KCNQ1: variants seen among roughly 807,000 people sequenced by gnomAD.
The protein encoded by KCNQ1 is potassium voltage-gated channel subfamily KQT member 1.
A neutral mutation model predicts 72.4 loss-of-function variants in KCNQ1; 49 were observed. That is an observed-to-expected ratio of 0.68 (90% CI 0.54 to 0.86). The LOEUF is 0.86. Ranked by LOEUF, KCNQ1 falls within the 40% of genes least tolerant of loss-of-function variation. The pLI, the probability that KCNQ1 is intolerant of heterozygous loss-of-function variation, is 0.00. For missense variants in KCNQ1, 790 were observed against 945.1 expected (o/e 0.84, Z 2.15); for synonymous variants, 450 against 412.6 (o/e 1.09, Z -1.10).
intron 10 of KCNQ1, chr11:2,636,901 G>C (rs969191577): frequency 1.8e-4 from 27 of 152,014 alleles, no homozygotes; most frequent in Admixed American, 1.1e-3. Context: ...ACTTCTTCCT[G>C]GTTTAGTCTT....
chr11:2,534,371 C>T (rs1339757098), intron 2 of KCNQ1, among the ~76,000 whole-genome samples: 1 of 152,350 alleles, frequency 6.6e-6, no homozygotes, highest in Non-Finnish European at 1.5e-5. Flanking sequence ...CCATTTCTGC[C>T]GCTGCCGGGA....
chr11:2,732,597 G>A (rs572978175), intron 11 of KCNQ1, among the ~76,000 whole-genome samples: 7 of 152,316 alleles, frequency 4.6e-5, no homozygotes, highest in African/African-American at 1.4e-4. Flanking sequence ...CCGAGGCACC[G>A]GTGCTTCCGA....
intron 1 of KCNQ1, among the ~76,000 whole-genome samples, chr11:2,517,095 C>A (rs74048650): frequency 6.6e-6 from 1 of 152,070 alleles, no homozygotes; most frequent in Admixed American, 6.5e-5. Context: ...GAGGTGTGGT[C>A]GAGGGCCCTG....
In KCNQ1 at chr11:2,607,522, T is replaced by C. The variant is rs143902519; in HGVS notation, c.1393+18668T>C. Among the ~76,000 whole-genome samples the C allele has an allele frequency of 7.2e-5, 11 of 152,320 alleles. No homozygotes were observed. In the East Asian group the frequency reaches 2.1e-3, roughly 29 times the overall value. ...AGAGACCTCAGTGAGCTCCTTTTTT[T>C]CTTCCGTCATATGAGGACACAAGAA... On this transcript the variant is annotated intron_variant, in intron 10 of 15. Transcript: ENST00000155840.
At chr11:2,684,706 G>A (rs1024459800) in intron 11 of KCNQ1, 95 of 398,610 alleles carry the variant, frequency 2.4e-4, no homozygotes, top group African/African-American at 6.6e-4. Flanking sequence ...TTGCTCAGGC[G>A]GAGGGGCCTG....
chr11:2,590,670 C>G (rs1007351685), intron 10 of KCNQ1, among the ~76,000 whole-genome samples: 5 of 152,212 alleles, frequency 3.3e-5, no homozygotes, highest in African/African-American at 1.2e-4. Context: ...GGTTTCTGCT[C>G]CTTGAAGTCT....
At chr11:2,754,016 T>C (rs61872472) in intron 11 of KCNQ1, among the ~76,000 whole-genome samples, 2,348 of 152,286 alleles carry the variant, frequency 0.015, 35 homozygotes, top group Non-Finnish European at 0.022. Context: ...GAGCAGACAT[T>C]TCTCCAAAGA....
chr11:2,732,581 AGGGGCCCGAGGCACCGGTGCTTCCGAC>A (rs752910394), intron 11 of KCNQ1, among the ~76,000 whole-genome samples: 3 of 152,186 alleles, frequency 2.0e-5, no homozygotes, highest in Admixed American at 6.5e-5. Flanking sequence ...GCGCGAGCGA[AGGGGCCCGAGGCACCGGTGCTTCCGAC>A]GGGGCCCGAG....
In KCNQ1 at chr11:2,667,856, T is replaced by C. The variant is rs188347520; in HGVS notation, c.1514+5775T>C. The C allele has an allele frequency of 1.8e-5, 7 of 398,642 alleles. No homozygotes were observed. In the East Asian group the frequency reaches 2.1e-4, roughly 12 times the overall value. The allele number at this position is 398,642 out of a possible 1,614,324, so 24.7% of individuals were successfully genotyped here. A position where few individuals can be genotyped will look rare whatever the true frequency, so the allele number is the denominator to read the frequency against. On this transcript the variant is annotated intron_variant, in intron 11 of 15. Coordinates refer to ENST00000155840, the MANE Select transcript of KCNQ1 (RefSeq NM_000218.3). ...ACTTTTAGTTAAAGGGTAATGTGCA[T>C]GCACACAGATTAGTACACAGGTCTC...
At chr11:2,501,794 C>T (rs1196698357) in intron 1 of KCNQ1, among the ~76,000 whole-genome samples, 1 of 143,758 alleles carries the variant, frequency 7.0e-6, no homozygotes, top group East Asian at 2.1e-4. Context: ...CAAAAATCCT[C>T]AACAAAATAC....
At chr11:2,586,599 AG>A (rs1214813412) in intron 8 of KCNQ1, among the ~76,000 whole-genome samples, 1 of 152,160 alleles carries the variant, frequency 6.6e-6, no homozygotes, top group Non-Finnish European at 1.5e-5. Context: ...GGAGCAGGGC[AG>A]GGGTCATGGG....
Position 2,723,615 on chromosome 11 carries a change from C to T in KCNQ1, c.1515-45229C>T, listed in dbSNP as rs1176620250. On this transcript the variant is annotated intron_variant, in intron 11 of 15. Coordinates refer to ENST00000155840, the MANE Select transcript of KCNQ1 (RefSeq NM_000218.3). The surrounding 1 kb of genome is among the most constrained non-coding windows in gnomAD (Gnocchi z 4.2). The stretch of plus-strand genomic sequence containing the variant: ...GGGATGCCAGCCTCAAACTCAGCAG[C>T]TCGAAGTAGCAACAGCCTCGAATCC... Among the ~76,000 whole-genome samples the T allele has an allele frequency of 1.3e-5, 2 of 152,334 alleles. No individual in the cohort carries two copies. The highest frequency in any genetic ancestry group is 3.9e-4 in the East Asian group (2 of 5,182).
rs768718732 is a variant in KCNQ1, at chr11:2,673,906, C to G, written c.1514+11825C>G. The G allele has an allele frequency of 1.8e-4, 73 of 396,812 alleles. No homozygotes were observed. Among genetic ancestry groups the G allele is most frequent in the Non-Finnish European group, 2.9e-4 (66 of 226,018 alleles). The allele number at this position is 396,812 out of a possible 1,614,324, so 24.6% of individuals were successfully genotyped here. Reference sequence around the variant, plus strand: ...CACAGGAAGGGATGGGAGCTCAGCTCACCGGGTGCTAGACAAGGGAGTGTG... The same window carrying G: ...CACAGGAAGGGATGGGAGCTCAGCTGACCGGGTGCTAGACAAGGGAGTGTG... On this transcript the variant is annotated intron_variant, in intron 11 of 15. Coordinates refer to ENST00000155840, the MANE Select transcript of KCNQ1 (RefSeq NM_000218.3). This position sits in a 1 kb window ranked among gnomAD's most constrained non-coding sequence, Gnocchi z 4.5.
rs778713114 is a variant in KCNQ1, at chr11:2,847,936, C to G, written c.1964C>G (p.Pro655Arg). Residue 655 changes from proline (P) to arginine (R), a missense_variant, in exon 16 of 16, where the codon CCC becomes CGC. Around this residue, in one of 5 missense-constraint regions of KCNQ1, gnomAD observed 94 missense variants for 85.2 expected, o/e 1.10. Coordinates refer to ENST00000155840, the MANE Select transcript of KCNQ1 (RefSeq NM_000218.3). ...GGSVDPELFL[P>R]SNTLPTYEQL... ...TCCGTCGACCCTGAGCTCTTCCTGC[C>G]CAGCAACACCCTGCCCACCTACGAG... is the stretch of plus-strand genomic sequence containing the variant. 1 of 1,573,772 alleles carries G rather than the reference C, an allele frequency of 6.4e-7. No individual in the cohort carries two copies. Among genetic ancestry groups the G allele is most frequent in the South Asian group, 1.2e-5 (1 of 86,140 alleles).
chr11:2,826,744 C>T lies in KCNQ1; in HGVS notation c.1795-21023C>T, dbSNP rs1847849650. The stretch of plus-strand genomic sequence containing the variant: ...CCTCGTCTTGGGGCCCCTGCCCTGC[C>T]TCCACTCAGAATCCCACTATGTGCT... On this transcript the variant is annotated intron_variant, in intron 15 of 15. Coordinates refer to ENST00000155840, the MANE Select transcript of KCNQ1 (RefSeq NM_000218.3). This position sits in a 1 kb window ranked among gnomAD's most constrained non-coding sequence, Gnocchi z 4.2. Among the ~76,000 whole-genome samples, 1 of 152,250 alleles carries T rather than the reference C, an allele frequency of 6.6e-6. No homozygotes were observed. Among genetic ancestry groups the T allele is most frequent in the South Asian group, 2.1e-4 (1 of 4,834 alleles).
intron 6 of KCNQ1, among the ~76,000 whole-genome samples, chr11:2,580,693 C>T (rs1296976016): frequency 5.3e-5 from 8 of 152,208 alleles, no homozygotes; most frequent in Non-Finnish European, 5.9e-5. Flanking sequence ...CACAGACAGC[C>T]CTGTCCTGGA....
rs990319440 is a variant in KCNQ1, at chr11:2,559,212, T to C, written c.478-11416T>C. On this transcript the variant is annotated intron_variant, in intron 2 of 15. Coordinates refer to ENST00000155840, the MANE Select transcript of KCNQ1 (RefSeq NM_000218.3). The surrounding 1 kb of genome is among the most constrained non-coding windows in gnomAD (Gnocchi z 4.9). ...TACCAGGCAGTCTTCCCAGAGGTGC[T>C]TCCCGGGAAGCCCGTGGAGAGGATG... is the stretch of plus-strand genomic sequence containing the variant. Among the ~76,000 whole-genome samples, 3 of 152,042 alleles carry C rather than the reference T, an allele frequency of 2.0e-5. No individual in the cohort carries two copies. Among genetic ancestry groups the C allele is most frequent in the Admixed American group, 1.3e-4 (2 of 15,278 alleles).
Position 2,468,811 on chromosome 11 carries a change from G to T in KCNQ1, c.386+23327G>T, listed in dbSNP as rs1373529601. 6.6e-6 allele frequency among the ~76,000 whole-genome samples: 1 copy of T among 152,188 alleles called. No homozygotes were observed. The highest frequency in any genetic ancestry group is 1.5e-5 in the Non-Finnish European group (1 of 68,028). On this transcript the variant is annotated intron_variant, in intron 1 of 15. Coordinates refer to ENST00000155840, the MANE Select transcript of KCNQ1 (RefSeq NM_000218.3). This position sits in a 1 kb window ranked among gnomAD's most constrained non-coding sequence, Gnocchi z 5.7. Reference sequence around the variant, plus strand: ...GCACCTGTTGATGGACATGTGGGCGGCTGTATCCCATTTGGGCTCTCACAA... The same window carrying T: ...GCACCTGTTGATGGACATGTGGGCGTCTGTATCCCATTTGGGCTCTCACAA...
Position 2,653,070 on chromosome 11 carries a change from A to C in KCNQ1, c.1394-8891A>C. On this transcript the variant is annotated intron_variant, in intron 10 of 15. Coordinates refer to ENST00000155840, the MANE Select transcript of KCNQ1 (RefSeq NM_000218.3). The surrounding 1 kb of genome is among the most constrained non-coding windows in gnomAD (Gnocchi z 5.3). ...ACATGTTCCATAATTTGCATCAAAC[A>C]TCCTCATACAGCAGGGTGTGGAGAG... 1 of 398,718 alleles carries C rather than the reference A, an allele frequency of 2.5e-6. No individual in the cohort carries two copies. The highest frequency in any genetic ancestry group is 4.4e-6 in the Non-Finnish European group (1 of 226,106). The allele number at this position is 398,718 out of a possible 1,614,324, so 24.7% of individuals were successfully genotyped here. A position where few individuals can be genotyped will look rare whatever the true frequency, so the allele number is the denominator to read the frequency against.
Sources: gnomAD v4.1 joint callset for allele counts (sites outside exome capture counted in the v4.1 genomes callset) on GRCh38, gnomAD v4.1.1 for gene constraint, gnomAD v4.1.1 regional missense constraint, Gnocchi (gnomAD v3.1) non-coding constraint, MANE v1.5 for transcripts, NCBI Gene and HGNC (gene_info 2026-07-23, HGNC 2026-07-21) for gene names.